DTNB: variants seen among roughly 807,000 people sequenced by gnomAD.
DTNB encodes dystrobrevin beta.
A neutral mutation model predicts 90.7 loss-of-function variants in DTNB; 63 were observed. The observed-to-expected ratio is 0.69, with a 90% confidence interval of 0.57 to 0.86. The LOEUF (loss-of-function observed/expected upper bound fraction) is 0.86. Among genes scored for constraint, DTNB ranks in the 40% least tolerant of loss-of-function variants. DTNB has a pLI of 0.00. For missense variants in DTNB, 744 were observed against 807.1 expected (o/e 0.92, Z 0.95); for synonymous variants, 277 against 286.7 (o/e 0.97, Z 0.34).
intron 9 of DTNB, among the ~76,000 whole-genome samples, chr2:25,516,995 A>G (rs1308561564): frequency 6.6e-6 from 1 of 152,256 alleles, no homozygotes; most frequent in Non-Finnish European, 1.5e-5. Flanking sequence ...GTCTACAGAA[A>G]GACATGAATG....
At chr2:25,550,857 C>T (rs143084215) in intron 8 of DTNB, among the ~76,000 whole-genome samples, 42 of 152,166 alleles carry the variant, frequency 2.8e-4, no homozygotes, top group African/African-American at 9.4e-4. Flanking sequence ...ACCATTTTGG[C>T]CACGCTGGTC....
At chr2:25,500,679 A>T (rs1185695351) in intron 9 of DTNB, among the ~76,000 whole-genome samples, 1 of 152,182 alleles carries the variant, frequency 6.6e-6, no homozygotes, top group Non-Finnish European at 1.5e-5. Context: ...AGGGACTTCC[A>T]GTACAAGGTA....
At chr2:25,556,389 C>T (rs1404429275) in intron 8 of DTNB, among the ~76,000 whole-genome samples, 2 of 152,156 alleles carry the variant, frequency 1.3e-5, no homozygotes, top group East Asian at 3.8e-4. Flanking sequence ...CTCCTCTGTA[C>T]ACCCTTGCCA....
At chr2:25,430,474 G>C (rs939957465) in intron 14 of DTNB, among the ~76,000 whole-genome samples, 28 of 152,036 alleles carry the variant, frequency 1.8e-4, no homozygotes, top group African/African-American at 6.3e-4. Flanking sequence ...ACATGAATGA[G>C]CTACAGCTAC....
Position 25,607,272 on chromosome 2 carries a change from T to C in DTNB, c.412A>G (p.Thr138Ala), listed in dbSNP as rs1186007697. 7.5e-6 allele frequency: 12 copies of C among 1,607,768 alleles called. No individual in the cohort carries two copies. Among genetic ancestry groups the C allele is most frequent in the Non-Finnish European group, 1.0e-5 (12 of 1,177,002 alleles). Reference sequence around the variant, plus strand: ...TCCAGCATTTTTCCACCACACATGGTTGCTAACATAGCTTTAACTGAAAAT... The same window carrying C: ...TCCAGCATTTTTCCACCACACATGGCTGCTAACATAGCTTTAACTGAAAAT... ...TVFSVKAMLA[T>A]MCGGKMLDKL... Residue 138 changes from threonine to alanine, a missense_variant, in exon 5 of 21, where the codon ACC (threonine) becomes GCC (alanine). Physicochemically the swap from Thr to Ala is moderately conservative, Grantham distance 58. Coordinates refer to ENST00000406818, the MANE Select transcript of DTNB (RefSeq NM_021907.5).
At chr2:25,455,612 T>G in intron 10 of DTNB, 118 bp from the exon 11 acceptor site, 1 of 820,350 alleles carries the variant, frequency 1.2e-6, no homozygotes. Flanking sequence ...TAAATCATGA[T>G]AAGGAAAACA....
chr2:25,445,015 G>T (rs931726667), intron 12 of DTNB, among the ~76,000 whole-genome samples: 1 of 152,178 alleles, frequency 6.6e-6, no homozygotes, highest in Non-Finnish European at 1.5e-5. Flanking sequence ...AAGAATTAAA[G>T]AATTGGCATC....
chr2:25,582,213 C>T (rs1334397911), intron 6 of DTNB, among the ~76,000 whole-genome samples: 26 of 152,024 alleles, frequency 1.7e-4, no homozygotes, highest in Admixed American at 1.6e-3. Context: ...TAACACAAAC[C>T]GGAAGCGAGG....
At chr2:25,668,482 T>A (rs939267255) in intron 1 of DTNB, among the ~76,000 whole-genome samples, 1 of 152,222 alleles carries the variant, frequency 6.6e-6, no homozygotes, top group Non-Finnish European at 1.5e-5. Flanking sequence ...CATGCAGTCA[T>A]GCCATGTAAA....
chr2:25,534,815 G>A (rs1321195335), intron 8 of DTNB, among the ~76,000 whole-genome samples: 19 of 138,150 alleles, frequency 1.4e-4, no homozygotes, highest in East Asian at 1.2e-3. Context: ...CCTCCCAGAC[G>A]AAGAGCGGCC....
chr2:25,510,690 T>C (rs1206239835), intron 9 of DTNB, among the ~76,000 whole-genome samples: 4 of 152,252 alleles, frequency 2.6e-5, no homozygotes, highest in South Asian at 2.1e-4. Context: ...GTATTTTTAG[T>C]AAAGACAGGG....
At chr2:25,458,601 T>C (rs1485613471) in intron 10 of DTNB, among the ~76,000 whole-genome samples, 4 of 152,258 alleles carry the variant, frequency 2.6e-5, no homozygotes, top group African/African-American at 7.2e-5. Context: ...CCAGAGTAGC[T>C]GGGGCTACAG....
chr2:25,394,172 C>T (rs576453446), intron 16 of DTNB, among the ~76,000 whole-genome samples: 2 of 152,184 alleles, frequency 1.3e-5, no homozygotes, highest in African/African-American at 4.8e-5. Context: ...ACAAATGATG[C>T]TGAGATAACT....
intron 7 of DTNB, among the ~76,000 whole-genome samples, chr2:25,577,582 T>C (rs988501858): frequency 6.6e-6 from 1 of 152,150 alleles, no homozygotes; most frequent in Non-Finnish European, 1.5e-5. Flanking sequence ...ATCTAATCAT[T>C]CCAATGTACT....
At chr2:25,557,175 A>G (rs2057507410) in intron 8 of DTNB, among the ~76,000 whole-genome samples, 1 of 152,212 alleles carries the variant, frequency 6.6e-6, no homozygotes, top group Non-Finnish European at 1.5e-5. Context: ...CAGAGCACAC[A>G]AATACTATGG....
At chr2:25,400,159 A>AGG (rs1301255394) in intron 16 of DTNB, among the ~76,000 whole-genome samples, 4 of 152,212 alleles carry the variant, frequency 2.6e-5, no homozygotes, top group African/African-American at 9.7e-5. Flanking sequence ...CTAACTAAAT[A>AGG]AGTACAAACT....
chr2:25,489,199 C>A (rs1265404502), intron 9 of DTNB, among the ~76,000 whole-genome samples: 2 of 152,170 alleles, frequency 1.3e-5, no homozygotes, highest in South Asian at 2.1e-4. Flanking sequence ...AAAATTCCTA[C>A]AAAATCTCTC....
intron 10 of DTNB, chr2:25,481,544 CCTGA>C (rs1374120776): frequency 2.6e-5 from 4 of 152,264 alleles, no homozygotes; most frequent in African/African-American, 9.7e-5. Flanking sequence ...GAAGCAGTGG[CCTGA>C]CTCTCTTGCT....
Position 25,387,560 on chromosome 2 carries a change from G to C in DTNB, c.1736-182C>G, listed in dbSNP as rs2039855859. On this transcript the variant is annotated intron_variant, in intron 17 of 20. Coordinates refer to ENST00000406818, the MANE Select transcript of DTNB (RefSeq NM_021907.5). The surrounding 1 kb of genome is among the most constrained non-coding windows in gnomAD (Gnocchi z 4.5). ...CGGGGGCAGGAGGCACCAGCCCACTGGTCCCTCTCCCTCTGCCCTCTCTAC... is the reference window on the plus strand; with the variant it reads ...CGGGGGCAGGAGGCACCAGCCCACTCGTCCCTCTCCCTCTGCCCTCTCTAC... 6.6e-6 allele frequency among the ~76,000 whole-genome samples: 1 copy of C among 152,144 alleles called. No homozygotes were observed. Among genetic ancestry groups the C allele is most frequent in the African/African-American group, 2.4e-5 (1 of 41,424 alleles).
Sources: gnomAD v4.1 joint callset for allele counts (sites outside exome capture counted in the v4.1 genomes callset) on GRCh38, gnomAD v4.1.1 for gene constraint, Gnocchi (gnomAD v3.1) non-coding constraint, MANE v1.5 for transcripts, NCBI Gene and HGNC (gene_info 2026-07-23, HGNC 2026-07-21) for gene names.